ATF1: variants seen among roughly 807,000 people sequenced by gnomAD.
ATF1 encodes the protein activating transcription factor 1.
Under a neutral mutation model 34.7 loss-of-function variants are expected in ATF1, and 16 were observed. The observed-to-expected ratio is 0.46, with a 90% CI of 0.31 to 0.70. The LOEUF (loss-of-function observed/expected upper bound fraction) is 0.70, where lower values mean the gene tolerates loss of function less well. Ranked by LOEUF, ATF1 falls within the 30% of genes least tolerant of loss-of-function variation. The pLI is 0.05. For synonymous variants in ATF1, 105 were observed against 113.1 expected, an observed-to-expected ratio of 0.93 and a Z score of 0.46; for missense variants, 255 against 321.6, an observed-to-expected ratio of 0.79 and a Z score of 1.58.
intron 3 of ATF1, among the ~76,000 whole-genome samples, chr12:50,803,268 C>CA (rs36003561): frequency 0.38 from 50,597 of 133,716 alleles, 8,752 homozygotes; most frequent in Non-Finnish European, 0.41. Context: ...AACTCTGTCT[C>CA]AAAAAAAAAA....
At chr12:50,778,129 T>G (rs1429153799) in intron 1 of ATF1, among the ~76,000 whole-genome samples, 1 of 151,866 alleles carries the variant, frequency 6.6e-6, no homozygotes, top group Non-Finnish European at 1.5e-5. Context: ...TTGCCAGGTC[T>G]GGTCTCAAAC....
intron 1 of ATF1, among the ~76,000 whole-genome samples, chr12:50,777,212 A>C (rs193005800): frequency 2.8e-4 from 42 of 152,348 alleles, no homozygotes; most frequent in Admixed American, 8.5e-4. Flanking sequence ...GATAAATGAA[A>C]ACAGGATACA....
chr12:50,819,032 CAT>C (rs529697630), intron 6 of ATF1, among the ~76,000 whole-genome samples: 162 of 152,334 alleles, frequency 1.1e-3, no homozygotes, highest in Non-Finnish European at 1.1e-3. Context: ...TAAAAGAAGT[CAT>C]GTGTCAGAAG....
At chr12:50,807,381 G>T (rs1941636200) in intron 3 of ATF1, among the ~76,000 whole-genome samples, 1 of 152,078 alleles carries the variant, frequency 6.6e-6, no homozygotes, top group Non-Finnish European at 1.5e-5. Flanking sequence ...TCCAGCCTGG[G>T]CAACAGAGTG....
intron 4 of ATF1, among the ~76,000 whole-genome samples, chr12:50,811,680 T>C (rs1023333798): frequency 6.8e-6 from 1 of 146,604 alleles, no homozygotes; most frequent in African/African-American, 2.5e-5. Flanking sequence ...ACTAGTCCCA[T>C]CTACTCGGGA....
intron 1 of ATF1, among the ~76,000 whole-genome samples, chr12:50,776,169 G>T (rs1235143268): frequency 6.6e-6 from 1 of 151,370 alleles, no homozygotes; most frequent in Non-Finnish European, 1.5e-5. Context: ...AAAATTAGCT[G>T]GGCATGGTGG....
At chr12:50,771,334 G>T (rs1049013688) in intron 1 of ATF1, among the ~76,000 whole-genome samples, 2 of 152,076 alleles carry the variant, frequency 1.3e-5, no homozygotes, top group Admixed American at 6.6e-5. Flanking sequence ...GGAATATATT[G>T]CTGTTATACT....
intron 3 of ATF1, among the ~76,000 whole-genome samples, chr12:50,802,291 C>T (rs142742365): frequency 0.011 from 1,611 of 152,276 alleles, 30 homozygotes; most frequent in African/African-American, 0.037. Flanking sequence ...TTTGGGAGGC[C>T]GAGGCAGGCG....
Position 50,819,658 on chromosome 12 carries a change from G to A in ATF1, c.695G>A (p.Arg232Lys), listed in dbSNP as rs765086136. The change falls in exon 7 of 7, where the codon AGA becomes AAA. Residue 232 changes from arginine to lysine, a missense_variant. Physicochemically the swap from Arg to Lys is conservative, Grantham distance 26. Coordinates refer to ENST00000262053, the MANE Select transcript of ATF1 (RefSeq NM_005171.5). ...AGAGAAGCTGCTCGAGAATGTCGCA[G>A]AAAGAAGAAAGAATATGTGAAATGC... ...KNREAARECRRKKKEYVKCLE... is the reference protein window; with the variant it reads ...KNREAARECRKKKKEYVKCLE... The A allele has an allele frequency of 6.2e-7, 1 of 1,612,580 alleles. No homozygotes were observed. Among genetic ancestry groups the A allele is most frequent in the Non-Finnish European group, 8.5e-7 (1 of 1,179,638 alleles).
rs1457351435 is a variant in ATF1 at position 50,820,109 on chromosome 12, A to T, written c.*330A>T. On this transcript the variant is annotated 3_prime_UTR_variant, in exon 7 of 7. Coordinates refer to ENST00000262053, the MANE Select transcript of ATF1 (RefSeq NM_005171.5). ...AAATTTGATAAACTGAATTTTTTTTAAAAATCCATTTACCCTACAGGTTTG... is the reference window on the plus strand; with the variant it reads ...AAATTTGATAAACTGAATTTTTTTTTAAAATCCATTTACCCTACAGGTTTG... 6 of 254,132 alleles carry T rather than the reference A, an allele frequency of 2.4e-5. No individual in the cohort carries two copies. The highest frequency in any genetic ancestry group is 6.4e-5 in the East Asian group (1 of 15,718). The allele number at this position is 254,132 out of a possible 1,614,324, so 15.7% of individuals were successfully genotyped here.
intron 1 of ATF1, among the ~76,000 whole-genome samples, chr12:50,770,175 T>C (rs1470963446): frequency 6.6e-6 from 1 of 152,254 alleles, no homozygotes; most frequent in Non-Finnish European, 1.5e-5. Context: ...TCTTAACTTA[T>C]GGCAATGTAA....
At chr12:50,794,875 C>T (rs565151071) in intron 2 of ATF1, among the ~76,000 whole-genome samples, 7 of 151,906 alleles carry the variant, frequency 4.6e-5, no homozygotes, top group Admixed American at 3.9e-4. Context: ...GCTGTCATTG[C>T]ACCACTGCAC....
intron 2 of ATF1, among the ~76,000 whole-genome samples, chr12:50,782,234 GT>G (rs200221395): frequency 2.2e-5 from 3 of 138,706 alleles, no homozygotes; most frequent in East Asian, 1.9e-4. Flanking sequence ...TTCTTTTTCT[GT>G]TTTTTTTGTT....
chr12:50,791,789 G>T (rs1941307446), intron 2 of ATF1, among the ~76,000 whole-genome samples: 1 of 152,184 alleles, frequency 6.6e-6, no homozygotes, highest in African/African-American at 2.4e-5. Flanking sequence ...GACCTGAGGT[G>T]AGCCTGGAGG....
chr12:50,773,815 C>T (rs531399384), intron 1 of ATF1, among the ~76,000 whole-genome samples: 2 of 152,026 alleles, frequency 1.3e-5, no homozygotes, highest in South Asian at 4.2e-4. Flanking sequence ...GTCTCAAGCT[C>T]CTGACCTCAA....
intron 6 of ATF1, among the ~76,000 whole-genome samples, chr12:50,819,431 T>TTGTC (rs1288695529): frequency 6.6e-6 from 1 of 152,356 alleles, no homozygotes; most frequent in East Asian, 1.9e-4. Context: ...GAATGTTCTG[T>TTGTC]TGTCTTGACA....
intron 2 of ATF1, 95 bp downstream of exon 2, chr12:50,780,333 T>C (rs1214464770): frequency 8.0e-7 from 1 of 1,249,654 alleles, no homozygotes; most frequent in Non-Finnish European, 1.1e-6. Flanking sequence ...TGTTTTATTT[T>C]GGTTTTTGTT....
Position 50,814,403 on chromosome 12 carries a change from C to T in ATF1, c.635C>T (p.Pro212Leu). 6.2e-7 allele frequency: 1 copy of T among 1,614,086 alleles called. No individual in the cohort carries two copies. Among genetic ancestry groups the T allele is most frequent in the Non-Finnish European group, 8.5e-7 (1 of 1,180,004 alleles). Residue 212 changes from proline (P) to leucine (L), a missense_variant, in exon 6 of 7, where the codon CCC (proline) becomes CTC (leucine). Around this residue, in one of 2 missense-constraint regions of ATF1, gnomAD observed 34 missense variants for 70.8 expected, o/e 0.48. Transcript: ENST00000262053. ...LTSQTTKTDDPQLKREIRLMK... is the reference protein window; with the variant it reads ...LTSQTTKTDDLQLKREIRLMK... ...TCTCAGACAACTAAGACAGATGACCCCCAATTGAAAAGAGAAATAAGGTTA... is the reference window on the plus strand; with the variant it reads ...TCTCAGACAACTAAGACAGATGACCTCCAATTGAAAAGAGAAATAAGGTTA...
At chr12:50,800,518 A>G (rs1315996409) in intron 3 of ATF1, among the ~76,000 whole-genome samples, 2 of 152,192 alleles carry the variant, frequency 1.3e-5, no homozygotes, top group Non-Finnish European at 2.9e-5. Context: ...GTGGCCTATT[A>G]GGAACCAGGC....
Sources: gnomAD v4.1 joint callset for allele counts (sites outside exome capture counted in the v4.1 genomes callset) on GRCh38, gnomAD v4.1.1 for gene constraint, gnomAD v4.1.1 regional missense constraint, MANE v1.5 for transcripts, NCBI Gene and HGNC (gene_info 2026-07-23, HGNC 2026-07-21) for gene names.